CR1: variants seen among roughly 807,000 people sequenced by gnomAD.
CR1 encodes complement C3b/C4b receptor 1 (Knops blood group), also known as complement receptor type 1.
Under a neutral mutation model 187.3 loss-of-function variants are expected in CR1, and 116 were observed. The observed-to-expected ratio is 0.62, with a 90% confidence interval of 0.53 to 0.72. The LOEUF (loss-of-function observed/expected upper bound fraction) is 0.72, where lower values mean the gene tolerates loss of function less well. Ranked by LOEUF, CR1 falls within the 30% of genes least tolerant of loss-of-function variation. CR1 has a pLI of 0.00. For missense variants in CR1, 1,731 were observed against 2,110.7 expected (o/e 0.82, Z 3.52); for synonymous variants, 576 against 747.1 (o/e 0.77, Z 3.73).
At chr1:207,525,830 G>A (rs1467541382) in intron 5 of CR1, among the ~76,000 whole-genome samples, 1 of 151,966 alleles carries the variant, frequency 6.6e-6, no homozygotes, top group African/African-American at 2.4e-5. Flanking sequence ...CCTGAAAATG[G>A]ACATTACAGC....
Position 207,616,632 on chromosome 1 carries a change from T to C in CR1, c.6719T>C (p.Phe2240Ser), listed in dbSNP as rs1239921010. Reference sequence around the variant, plus strand: ...AATGGGAGACACACAGGAACTCCCTTTGGAGATATTCCCTATGGAAAAGAA... The same window carrying C: ...AATGGGAGACACACAGGAACTCCCTCTGGAGATATTCCCTATGGAAAAGAA... ...ILNGRHTGTP[F>S]GDIPYGKEIS... Residue 2240 changes from phenylalanine to serine, a missense_variant, in exon 41 of 47, where the codon TTT (phenylalanine) becomes TCT (serine). Transcript: ENST00000367049. The C allele has an allele frequency of 1.9e-6, 3 of 1,613,780 alleles. No individual in the cohort carries two copies. Among genetic ancestry groups the C allele is most frequent in the Admixed American group, 1.7e-5 (1 of 60,014 alleles).
At chr1:207,519,277 T>A (rs1427765621) in intron 4 of CR1, among the ~76,000 whole-genome samples, 2 of 151,932 alleles carry the variant, frequency 1.3e-5, no homozygotes, top group Non-Finnish European at 2.9e-5. Context: ...TTCATTGGTG[T>A]GTTTGGAACA....
chr1:207,590,649 TAAAAG>T (rs1284648850), intron 35 of CR1, among the ~76,000 whole-genome samples: 1 of 152,190 alleles, frequency 6.6e-6, no homozygotes. Flanking sequence ...TGCCCCCAGT[TAAAAG>T]ACACTGACTG....
intron 1 of CR1, among the ~76,000 whole-genome samples, chr1:207,503,511 C>G (rs12091425): frequency 0.028 from 4,230 of 152,220 alleles, 190 homozygotes; most frequent in African/African-American, 0.095. Flanking sequence ...CTTCCAGGGG[C>G]TGCTTCCGTC....
Position 207,568,062 on chromosome 1 carries a change from C to T in CR1, c.4171+20C>T. Reference sequence around the variant, plus strand: ...TTCTGGGTTAGTGCTCATTTCCCCACATCCCTAATGGGTTCAGAATATCTA... The same window carrying T: ...TTCTGGGTTAGTGCTCATTTCCCCATATCCCTAATGGGTTCAGAATATCTA... On this transcript the variant is annotated intron_variant, in intron 25 of 46. Coordinates refer to ENST00000367049, the MANE Select transcript of CR1 (RefSeq NM_000651.6). 6.2e-7 allele frequency: 1 copy of T among 1,610,884 alleles called. No homozygotes were observed. Among genetic ancestry groups the T allele is most frequent in the Non-Finnish European group, 8.5e-7 (1 of 1,179,630 alleles).
At chr1:207,504,531 A>C (rs999221750) in intron 1 of CR1, among the ~76,000 whole-genome samples, 13 of 152,182 alleles carry the variant, frequency 8.5e-5, no homozygotes, top group East Asian at 3.8e-4. Context: ...TACTCCCCCC[A>C]AAATCAGTAA....
chr1:207,625,341 A>G (rs1662447276), intron 45 of CR1, among the ~76,000 whole-genome samples: 1 of 152,220 alleles, frequency 6.6e-6, no homozygotes, highest in South Asian at 2.1e-4. Context: ...AAGAAAGATC[A>G]TGATCCTCGT....
rs1444872054 is a variant in CR1, at chr1:207,506,206, G to A, written c.301+123G>A. ...TAGTTTGCCAAGGTGCAATACATAT[G>A]AGAATTATTCTTGTAGATCATACCT... On this transcript the variant is annotated intron_variant, in intron 2 of 46. Coordinates refer to ENST00000367049, the MANE Select transcript of CR1 (RefSeq NM_000651.6). The A allele has an allele frequency of 1.8e-5, 21 of 1,152,334 alleles. No individual in the cohort carries two copies. In the East Asian group the frequency reaches 4.6e-4, roughly 25 times the overall value. 71.4% of individuals were successfully genotyped at this position (1,152,334 alleles called of 1,614,324 possible).
At chr1:207,621,024 A>C (rs562074445) in intron 43 of CR1, among the ~76,000 whole-genome samples, 2 of 152,378 alleles carry the variant, frequency 1.3e-5, no homozygotes, top group African/African-American at 4.8e-5. Flanking sequence ...CTGTAATCCC[A>C]GCACTTTGGG....
At chr1:207,523,020 G>A (rs1331170788) in intron 4 of CR1, among the ~76,000 whole-genome samples, 1 of 152,042 alleles carries the variant, frequency 6.6e-6, no homozygotes, top group Non-Finnish European at 1.5e-5. Flanking sequence ...TATATGTTGT[G>A]AAACCTTGAA....
intron 3 of CR1, among the ~76,000 whole-genome samples, chr1:207,509,564 T>G (rs1031763116): frequency 6.6e-6 from 1 of 152,200 alleles, no homozygotes; most frequent in African/African-American, 2.4e-5. Flanking sequence ...CCTTGATCAG[T>G]GAACATAAAG....
At position 207,581,223 on chromosome 1, in the gene CR1, C is replaced by G. The variant is rs572362567; in HGVS notation, c.5216+610C>G. On this transcript the variant is annotated intron_variant, in intron 31 of 46. Transcript: ENST00000367049. ...ATATGTAGACGTATACATATGGACA[C>G]GTATATGTAGACGTATACATATGGA... Among the ~76,000 whole-genome samples the G allele has an allele frequency of 1.0e-3, 146 of 144,062 alleles. 1 individual carries two copies. The highest frequency in any genetic ancestry group is 3.5e-3 in the African/African-American group (137 of 38,826). The allele number at this position is 144,062 out of a possible 152,430, so 94.5% of individuals were successfully genotyped here.
rs1432179161 is a variant in CR1, at chr1:207,564,045, C to T, written c.3763+5C>T. On this transcript the variant is annotated splice_donor_5th_base_variant and intron_variant, in intron 22 of 46. Coordinates refer to ENST00000367049, the MANE Select transcript of CR1 (RefSeq NM_000651.6). ...CTGCAGCCCCCACATGTGAAGGTGA[C>T]TAGACTCTTATCTGGCTTGATATTT... The T allele has an allele frequency of 6.6e-7, 1 of 1,518,582 alleles. No homozygotes were observed. The highest frequency in any genetic ancestry group is 8.7e-7 in the Non-Finnish European group (1 of 1,145,248). 94.1% of individuals were successfully genotyped at this position (1,518,582 alleles called of 1,614,324 possible).
At chr1:207,498,548 G>A (rs1659160020) in intron 1 of CR1, among the ~76,000 whole-genome samples, 1 of 152,110 alleles carries the variant, frequency 6.6e-6, no homozygotes, top group Admixed American at 6.5e-5. Flanking sequence ...ATGTTAATAA[G>A]TAAGAGAGAA....
chr1:207,584,124 T>C (rs938303757), intron 32 of CR1, among the ~76,000 whole-genome samples: 1 of 152,172 alleles, frequency 6.6e-6, no homozygotes, highest in African/African-American at 2.4e-5. Flanking sequence ...ATTACTGCAA[T>C]CTTTCATCTG....
chr1:207,510,499 G>A (rs1193622613), intron 3 of CR1, among the ~76,000 whole-genome samples: 2 of 152,158 alleles, frequency 1.3e-5, no homozygotes, highest in African/African-American at 4.8e-5. Context: ...GTACTATCAA[G>A]TTTGACCCTA....
chr1:207,515,695 T>A (rs1659790002), intron 4 of CR1, among the ~76,000 whole-genome samples: 1 of 152,192 alleles, frequency 6.6e-6, no homozygotes, highest in South Asian at 2.1e-4. Flanking sequence ...GTTTGTGAAG[T>A]GCTATTCCAA....
chr1:207,616,539 T>A, intron 40 of CR1, 36 bp from the exon 41 acceptor site: 2 of 1,602,496 alleles, frequency 1.2e-6, no homozygotes, highest in Non-Finnish European at 1.7e-6. Flanking sequence ...TTAAGTGAAA[T>A]TCTAATAGAA....
intron 46 of CR1, among the ~76,000 whole-genome samples, chr1:207,636,631 A>G (rs904888563): frequency 6.6e-6 from 1 of 152,214 alleles, no homozygotes; most frequent in Non-Finnish European, 1.5e-5. Flanking sequence ...AACAAAGTTT[A>G]CTGACTGAAC....
Sources: allele counts gnomAD v4.1 joint callset (sites outside exome capture counted in the v4.1 genomes callset), GRCh38; gene constraint gnomAD v4.1.1; transcripts MANE v1.5; gene names NCBI Gene and HGNC (gene_info 2026-07-23, HGNC 2026-07-21).